The following DCBLD1 variants were observed in gnomAD, a reference collection of about 807,000 sequenced individuals.
The protein encoded by DCBLD1 is discoidin, CUB and LCCL domain-containing protein 1.
DCBLD1 carries 57 observed loss-of-function variants against 71.5 expected under a neutral mutation model. The observed-to-expected ratio is 0.80, with a 90% CI of 0.64 to 0.99. The LOEUF is 0.99. Among genes scored for constraint, DCBLD1 ranks in the 50% least tolerant of loss-of-function variants. DCBLD1 has a pLI of 0.00. For missense variants in DCBLD1, 891 were observed against 923.5 expected, an observed-to-expected ratio of 0.96 and a Z score of 0.46; for synonymous variants, 380 against 363.8, an observed-to-expected ratio of 1.04 and a Z score of -0.51.
chr6:117,512,955 A>C (rs986555980), intron 2 of DCBLD1, among the ~76,000 whole-genome samples: 4 of 152,162 alleles, frequency 2.6e-5, no homozygotes, highest in African/African-American at 7.2e-5. Flanking sequence ...ACTATTTTTC[A>C]AACATGTCCC....
At chr6:117,559,853 AGACTT>A (rs1433945054) in intron 14 of DCBLD1, among the ~76,000 whole-genome samples, 2 of 152,222 alleles carry the variant, frequency 1.3e-5, no homozygotes, top group African/African-American at 2.4e-5. Context: ...TCTGGGGAAA[AGACTT>A]CTTTTCAAAT....
downstream of DCBLD1, among the ~76,000 whole-genome samples, chr6:117,551,980 G>A (rs1779434995): frequency 6.6e-6 from 1 of 152,062 alleles, no homozygotes; most frequent in Admixed American, 6.6e-5. Context: ...AATTAAATTA[G>A]CCAGTTGTAG....
At chr6:117,515,381 T>C (rs527590899) in intron 2 of DCBLD1, among the ~76,000 whole-genome samples, 18 of 152,150 alleles carry the variant, frequency 1.2e-4, no homozygotes, top group Non-Finnish European at 2.5e-4. Context: ...GAGATTACTA[T>C]CATCATCACC....
intron 2 of DCBLD1, among the ~76,000 whole-genome samples, chr6:117,518,333 A>G (rs909743036): frequency 1.3e-5 from 2 of 152,224 alleles, no homozygotes; most frequent in Admixed American, 1.3e-4. Context: ...CCATATCGCT[A>G]TCAGCATTTT....
At chr6:117,530,044 A>G (rs1778663952) in intron 5 of DCBLD1, among the ~76,000 whole-genome samples, 1 of 152,166 alleles carries the variant, frequency 6.6e-6, no homozygotes, top group Admixed American at 6.5e-5. Flanking sequence ...CTCAATAGGC[A>G]GGGTTCCTAG....
intron 1 of DCBLD1, among the ~76,000 whole-genome samples, chr6:117,498,901 TTATC>T (rs1247857713): frequency 1.2e-4 from 19 of 152,152 alleles, no homozygotes; most frequent in Admixed American, 3.9e-4. Flanking sequence ...AATATCTCAA[TTATC>T]TATTTAAAAG....
intron 1 of DCBLD1, among the ~76,000 whole-genome samples, chr6:117,485,303 G>A (rs968968430): frequency 6.6e-6 from 1 of 152,186 alleles, no homozygotes; most frequent in Non-Finnish European, 1.5e-5. Context: ...TTTAAGTGAA[G>A]AATCAAAATG....
intron 6 of DCBLD1, among the ~76,000 whole-genome samples, chr6:117,536,368 T>G (rs919216336): frequency 6.6e-6 from 1 of 152,258 alleles, no homozygotes; most frequent in Non-Finnish European, 1.5e-5. Context: ...GTATTTTTCA[T>G]ACCACTGACT....
chr6:117,518,982 C>T (rs1228755602), intron 2 of DCBLD1, among the ~76,000 whole-genome samples: 1 of 152,134 alleles, frequency 6.6e-6, no homozygotes, highest in African/African-American at 2.4e-5. Context: ...TATTTCCATA[C>T]TGTTTTTGAG....
intron 1 of DCBLD1, chr6:117,503,448 C>T (rs1175505044): frequency 3.4e-6 from 1 of 295,854 alleles, no homozygotes; most frequent in East Asian, 7.8e-5. Context: ...GCATGCAAGG[C>T]CTGCTGAGCA....
intron 6 of DCBLD1, among the ~76,000 whole-genome samples, chr6:117,535,049 G>A (rs565478850): frequency 6.8e-4 from 104 of 152,306 alleles, no homozygotes; most frequent in African/African-American, 2.4e-3. Context: ...TCAGGGAGCA[G>A]TTGTTTTCAT....
At chr6:117,567,181 T>C in intron 14 of DCBLD1, 2 of 567,030 alleles carry the variant, frequency 3.5e-6, no homozygotes, top group East Asian at 3.0e-5. Context: ...TTCTAGAATC[T>C]AAAGAGGTAG....
At chr6:117,499,643 C>T (rs1777586574) in intron 1 of DCBLD1, among the ~76,000 whole-genome samples, 1 of 151,958 alleles carries the variant, frequency 6.6e-6, no homozygotes, top group African/African-American at 2.4e-5. Context: ...ACCTAGTTTC[C>T]CTCAATTATA....
In DCBLD1 at chr6:117,532,415, C is replaced by T. The variant is rs374512343; in HGVS notation, c.719+22C>T. 1.2e-4 allele frequency: 185 copies of T among 1,584,778 alleles called. 2 individuals are homozygous for T. The highest frequency in any genetic ancestry group is 1.1e-3 in the South Asian group (96 of 85,224). On this transcript the variant is annotated intron_variant, in intron 6 of 14. Transcript: ENST00000338728. ...GGGAGTAAGTATTTTTTTTCAGTATCGTTTGTTCTGAGTAGAAGGTAACCC... is the reference window on the plus strand; with the variant it reads ...GGGAGTAAGTATTTTTTTTCAGTATTGTTTGTTCTGAGTAGAAGGTAACCC...
chr6:117,511,116 G>A (rs952713613), intron 2 of DCBLD1, among the ~76,000 whole-genome samples: 2 of 152,088 alleles, frequency 1.3e-5, no homozygotes, highest in Non-Finnish European at 2.9e-5. Flanking sequence ...TGCACCATCC[G>A]ATTCAGTGTT....
chr6:117,524,314 G>T (rs549126420), intron 4 of DCBLD1, among the ~76,000 whole-genome samples: 15 of 150,916 alleles, frequency 9.9e-5, no homozygotes, highest in African/African-American at 3.4e-4. Context: ...ATTCCCTCCT[G>T]CCTCAGCCTC....
At chr6:117,559,284 T>G (rs137978022) in intron 14 of DCBLD1, among the ~76,000 whole-genome samples, 6 of 151,776 alleles carry the variant, frequency 4.0e-5, no homozygotes, top group Non-Finnish European at 5.9e-5. Context: ...GAAGCTGGAG[T>G]TGATTGGAGG....
At chr6:117,529,967 G>T (rs557228917) in intron 5 of DCBLD1, among the ~76,000 whole-genome samples, 27 of 152,280 alleles carry the variant, frequency 1.8e-4, no homozygotes, top group African/African-American at 6.3e-4. Flanking sequence ...CCTGTTGCTC[G>T]TTGGCCTGTG....
chr6:117,548,370 T>A lies in DCBLD1; in HGVS notation c.2079T>A (p.Ser693Arg). The A allele has an allele frequency of 6.4e-7, 1 of 1,550,392 alleles. No homozygotes were observed. The highest frequency in any genetic ancestry group is 1.7e-4 in the Middle Eastern group (1 of 5,992). Residue 693 changes from serine to arginine, a missense_variant, in exon 15 of 15, where the codon AGT (serine) becomes AGA (arginine). Transcript: ENST00000338728. Reference protein sequence around the residue: ...SQKPPTHPGTSDSYSAPRDCL... With the variant: ...SQKPPTHPGTRDSYSAPRDCL... ...AGCCCCCAACGCATCCCGGGACGAG[T>A]GACAGCTATTCTGCCCCCAGAGACT...
Sources: gnomAD v4.1 joint callset for allele counts (sites outside exome capture counted in the v4.1 genomes callset) on GRCh38, gnomAD v4.1.1 for gene constraint, MANE v1.5 for transcripts, NCBI Gene and HGNC (gene_info 2026-07-23, HGNC 2026-07-21) for gene names.